FBLN1: variants seen among roughly 807,000 people sequenced by gnomAD.
FBLN1 encodes the protein fibulin 1.
In FBLN1, 34 loss-of-function variants were observed where a neutral mutation model predicts 89.7. The observed-to-expected ratio is 0.38, with a 90% CI of 0.29 to 0.50. The LOEUF is 0.50. Ranked by LOEUF, FBLN1 falls within the 20% of genes least tolerant of loss-of-function variation. The pLI is 0.92. For missense variants in FBLN1, 777 were observed against 988.1 expected (o/e 0.79, Z 2.86); for synonymous variants, 393 against 391.3 (o/e 1.00, Z -0.05).
Position 45,537,333 on chromosome 22 carries a change from A to G in FBLN1, c.922+1996A>G, listed in dbSNP as rs1180221071. 1.3e-5 allele frequency among the ~76,000 whole-genome samples: 2 copies of G among 152,154 alleles called. No individual in the cohort carries two copies. Among genetic ancestry groups the G allele is most frequent in the South Asian group, 2.1e-4 (1 of 4,824 alleles). Reference sequence around the variant, plus strand: ...CACTGAGATATTTAAAGATAAGTGGATGTGGCCGGGCACAGTGACTCACGC... The same window carrying G: ...CACTGAGATATTTAAAGATAAGTGGGTGTGGCCGGGCACAGTGACTCACGC... On this transcript the variant is annotated intron_variant, in intron 8 of 16. Coordinates refer to ENST00000327858, the MANE Select transcript of FBLN1 (RefSeq NM_006486.3). The surrounding 1 kb of genome is among the most constrained non-coding windows in gnomAD (Gnocchi z 5.7).
intron 16 of FBLN1, among the ~76,000 whole-genome samples, chr22:45,592,643 G>A (rs553878485): frequency 3.1e-4 from 47 of 152,274 alleles, no homozygotes; most frequent in African/African-American, 1.0e-3. Context: ...TATTCTCAAC[G>A]TTTCCTCTTT....
Position 45,568,578 on chromosome 22 carries a change from AATG to A in FBLN1, c.1698-5932_1698-5930del, listed in dbSNP as rs1569260160. On this transcript the variant is annotated intron_variant, in intron 14 of 16. Transcript: ENST00000327858. ...GTAGGGCATGCTCCTTCTGTAGGAG[AATG>A]CTCCTGTAGGGGAATGCTCCTTCTG... is the stretch of plus-strand genomic sequence containing the variant. Among the ~76,000 whole-genome samples the A allele has an allele frequency of 4.2e-4, 56 of 133,094 alleles. 4 individuals are homozygous for A. The highest frequency in any genetic ancestry group is 1.0e-3 in the South Asian group (4 of 3,874). 87.3% of individuals were successfully genotyped at this position (133,094 alleles called of 152,430 possible).
In FBLN1 at chr22:45,513,142, CATTG is replaced by C. The variant is rs1269727676; in HGVS notation, c.80-5534_80-5531del. Among the ~76,000 whole-genome samples the C allele has an allele frequency of 2.0e-5, 3 of 152,264 alleles. No homozygotes were observed. In the East Asian group the frequency reaches 5.8e-4, roughly 29 times the overall value. On this transcript the variant is annotated intron_variant, in intron 1 of 16. Coordinates refer to ENST00000327858, the MANE Select transcript of FBLN1 (RefSeq NM_006486.3). ...TGTTCAGATTACTGCATGAAAACAA[CATTG>C]ATTGAAGAAGGCAAGTAAGTCAACG...
chr22:45,600,256 C>A (rs112278970), intron 16 of FBLN1, 51 bp from the exon 17 acceptor site: 4 of 1,611,866 alleles, frequency 2.5e-6, no homozygotes, highest in Non-Finnish European at 3.4e-6. Flanking sequence ...CAGATCTCTA[C>A]GTTGCTGCAG....
At chr22:45,520,182 G>T (rs552815830) in intron 2 of FBLN1, among the ~76,000 whole-genome samples, 1 of 152,030 alleles carries the variant, frequency 6.6e-6, no homozygotes, top group Non-Finnish European at 1.5e-5. Context: ...ACCATCAAAA[G>T]AAAAAAATCA....
chr22:45,600,399 C>T lies in FBLN1; in HGVS notation c.2065C>T (p.Arg689Ter), dbSNP rs775373211. 3.7e-6 allele frequency: 6 copies of T among 1,614,154 alleles called. 1 individual carries two copies. Among genetic ancestry groups the T allele is most frequent in the South Asian group, 2.2e-5 (2 of 91,076 alleles). Residue 689 changes from arginine (R) to a stop codon, truncating the protein, a stop_gained, in exon 17 of 17, where the codon CGA becomes TGA. Coordinates refer to ENST00000327858, the MANE Select transcript of FBLN1 (RefSeq NM_006486.3). LOFTEE classifies it high-confidence loss of function. Reference sequence around the variant, plus strand: ...TGTGGTCGGGGGCGTGGTCTCCCACCGAAATGTTGTCAACGTCCACATCTT... The same window carrying T: ...TGTGGTCGGGGGCGTGGTCTCCCACTGAAATGTTGTCAACGTCCACATCTT... ...NYVVGGVVSH[R>*]NVVNVHIFVS...
chr22:45,516,997 A>C (rs2088178425), intron 1 of FBLN1, among the ~76,000 whole-genome samples: 1 of 152,200 alleles, frequency 6.6e-6, no homozygotes, highest in Non-Finnish European at 1.5e-5. Context: ...CCCTGCTGAG[A>C]ACGGGATGGA....
chr22:45,512,774 T>C (rs1041229074), intron 1 of FBLN1, among the ~76,000 whole-genome samples: 14 of 152,098 alleles, frequency 9.2e-5, no homozygotes, highest in Non-Finnish European at 1.6e-4. Flanking sequence ...TTTTTTTGTT[T>C]TGAGACAGGG....
At chr22:45,559,341 G>A (rs1017302766) in intron 14 of FBLN1, among the ~76,000 whole-genome samples, 11 of 152,176 alleles carry the variant, frequency 7.2e-5, no homozygotes, top group South Asian at 2.1e-4. Flanking sequence ...GAGTTGAACC[G>A]GGATGTGGTG....
At chr22:45,517,579 G>A (rs2088186284) in intron 1 of FBLN1, 2 of 471,124 alleles carry the variant, frequency 4.2e-6, no homozygotes, top group African/African-American at 2.0e-5. Flanking sequence ...CCCTTTTTGC[G>A]AGTGGGAGAT....
intron 16 of FBLN1, among the ~76,000 whole-genome samples, chr22:45,599,474 C>T (rs564302833): frequency 6.6e-6 from 1 of 152,250 alleles, no homozygotes; most frequent in African/African-American, 2.4e-5. Flanking sequence ...ATCCAGGGCC[C>T]ATTGCAGTCC....
intron 2 of FBLN1, among the ~76,000 whole-genome samples, chr22:45,521,363 C>T (rs2088247988): frequency 6.6e-6 from 1 of 152,164 alleles, no homozygotes; most frequent in African/African-American, 2.4e-5. Flanking sequence ...TCACCAGATG[C>T]AAGTGACTGG....
chr22:45,529,643 ATCACCTGAGG>A (rs1174703212), intron 4 of FBLN1, among the ~76,000 whole-genome samples: 2 of 152,196 alleles, frequency 1.3e-5, no homozygotes, highest in African/African-American at 2.4e-5. Context: ...AGGCAGGCGG[ATCACCTGAGG>A]TCAGGAGTTC....
intron 16 of FBLN1, among the ~76,000 whole-genome samples, chr22:45,592,411 C>T (rs1036500708): frequency 2.0e-5 from 3 of 152,224 alleles, no homozygotes; most frequent in East Asian, 1.9e-4. Flanking sequence ...ACTGCAACCT[C>T]TGCCTCCCAT....
rs755070201 is a variant in FBLN1 at position 45,563,031 on chromosome 22, T to C, written c.1698-11480T>C. ...CAAGCGCCCGCGGTGGTTTTCCGCA[T>C]GGGCCCCTCCAGTGCTGTCCCCGGG... is the stretch of plus-strand genomic sequence containing the variant. On this transcript the variant is annotated intron_variant, in intron 14 of 16. Transcript: ENST00000327858. This position sits in a 1 kb window ranked among gnomAD's most constrained non-coding sequence, Gnocchi z 5.7. 1.9e-6 allele frequency: 3 copies of C among 1,613,420 alleles called. No individual in the cohort carries two copies. The highest frequency in any genetic ancestry group is 2.5e-6 in the Non-Finnish European group (3 of 1,179,972).
intron 1 of FBLN1, among the ~76,000 whole-genome samples, chr22:45,516,315 C>A (rs186740281): frequency 1.6e-3 from 251 of 152,222 alleles, no homozygotes; most frequent in Non-Finnish European, 3.0e-3. Flanking sequence ...CAGATGGGAA[C>A]TGGGCTTGGC....
intron 1 of FBLN1, chr22:45,517,704 T>A: frequency 2.2e-6 from 1 of 456,592 alleles, no homozygotes; most frequent in South Asian, 1.6e-5. Flanking sequence ...TTGTGGTAAG[T>A]CAAGGGCAGA....
rs984023751 is a variant in FBLN1 at position 45,561,308 on chromosome 22, A to G, written c.1697+10693A>G. 6.6e-6 allele frequency among the ~76,000 whole-genome samples: 1 copy of G among 152,198 alleles called. No homozygotes were observed. The highest frequency in any genetic ancestry group is 1.5e-5 in the Non-Finnish European group (1 of 68,038). On this transcript the variant is annotated intron_variant, in intron 14 of 16. Transcript: ENST00000327858. This position sits in a 1 kb window ranked among gnomAD's most constrained non-coding sequence, Gnocchi z 4.7. The stretch of plus-strand genomic sequence containing the variant: ...AATCTTAGCAGATTTGAGGCTCAGT[A>G]TCTGCTTCTGAAGCTGGGAGATGGA...
chr22:45,523,595 C>T (rs2283661), intron 2 of FBLN1, among the ~76,000 whole-genome samples: 77,688 of 151,882 alleles, frequency 0.51, 20,295 homozygotes, highest in East Asian at 0.7. Context: ...TCCCAGCTGC[C>T]GGTGAGGCTG....
Sources: gnomAD v4.1 joint callset for allele counts (sites outside exome capture counted in the v4.1 genomes callset) on GRCh38, gnomAD v4.1.1 for gene constraint, Gnocchi (gnomAD v3.1) non-coding constraint, MANE v1.5 for transcripts, NCBI Gene and HGNC (gene_info 2026-07-23, HGNC 2026-07-21) for gene names.